The following SF3B3 variants were observed in gnomAD, a reference collection of about 807,000 sequenced individuals.
The protein encoded by SF3B3 is splicing factor 3b subunit 3.
In SF3B3, 33 loss-of-function variants were observed where a neutral mutation model predicts 139.2. The observed-to-expected ratio is 0.24, with a 90% confidence interval of 0.18 to 0.32. The LOEUF is 0.32. SF3B3 is among the 10% of genes least tolerant of loss of function. The pLI is 1.00. For synonymous variants in SF3B3, 596 were observed against 563.6 expected (o/e 1.06, Z -0.81); for missense variants, 818 against 1,509.4 (o/e 0.54, Z 7.59).
Position 70,538,450 on chromosome 16 carries a change from A to G in SF3B3, c.953A>G (p.Asp318Gly). 1 of 1,613,748 alleles carries G rather than the reference A, an allele frequency of 6.2e-7. No homozygotes were observed. Among genetic ancestry groups the G allele is most frequent in the Non-Finnish European group, 8.5e-7 (1 of 1,179,644 alleles). Residue 318 changes from aspartate to glycine, a missense_variant, in exon 7 of 26, where the codon GAT becomes GGT. Physicochemically the swap from Asp to Gly is moderately conservative, Grantham distance 94 (BLOSUM62 -1). Around this residue, in one of 14 missense-constraint regions of SF3B3, gnomAD observed 80 missense variants for 206.5 expected, o/e 0.39. Coordinates refer to ENST00000302516, the MANE Select transcript of SF3B3 (RefSeq NM_012426.5). ...GDIFKITLETDEDMVTEIRLK... is the reference protein window; with the variant it reads ...GDIFKITLETGEDMVTEIRLK... The stretch of plus-strand genomic sequence containing the variant: ...ATCTTTAAGATCACTTTGGAGACAG[A>G]TGAAGATATGGTAAGTAGACCATGG...
At chr16:70,553,608 A>G (rs2050350288) in intron 11 of SF3B3, among the ~76,000 whole-genome samples, 1 of 152,198 alleles carries the variant, frequency 6.6e-6, no homozygotes, top group Non-Finnish European at 1.5e-5. Flanking sequence ...CGCCAAACGT[A>G]CTGGATGGGG....
intron 11 of SF3B3, among the ~76,000 whole-genome samples, chr16:70,551,535 T>C (rs1294987823): frequency 1.3e-5 from 2 of 152,010 alleles, no homozygotes; most frequent in East Asian, 4.0e-4. Flanking sequence ...AAACCCTGTC[T>C]CTACTAAAAA....
intron 1 of SF3B3, among the ~76,000 whole-genome samples, chr16:70,525,905 A>G (rs2050057973): frequency 6.7e-6 from 1 of 149,440 alleles, no homozygotes; most frequent in Non-Finnish European, 1.5e-5. Flanking sequence ...AGCTTGCAGT[A>G]AGCCAAGATG....
rs772650574 is a variant in SF3B3, at chr16:70,545,983, G to T, written c.1329+1450G>T. On this transcript the variant is annotated intron_variant, in intron 10 of 25. Coordinates refer to ENST00000302516, the MANE Select transcript of SF3B3 (RefSeq NM_012426.5). Reference sequence around the variant, plus strand: ...CCATAGGTCTGGTTTTTGGTTTTTTGTTGTTGTTGTTTTTGTTTTTGTTTT... The same window carrying T: ...CCATAGGTCTGGTTTTTGGTTTTTTTTTGTTGTTGTTTTTGTTTTTGTTTT... Among the ~76,000 whole-genome samples, 17 of 152,070 alleles carry T rather than the reference G, an allele frequency of 1.1e-4. No homozygotes were observed. The East Asian group carries it at 1.5e-3, about 14-fold the overall frequency.
chr16:70,560,644 A>G (rs1296427871), intron 16 of SF3B3, 53 bp downstream of exon 16: 5 of 1,590,676 alleles, frequency 3.1e-6, no homozygotes, highest in Admixed American at 1.7e-5. Context: ...TAGTGGCACC[A>G]TCTGAGAACA....
intron 22 of SF3B3, 63 bp from the exon 23 acceptor site, chr16:70,568,980 G>T: frequency 8.3e-7 from 1 of 1,204,736 alleles, no homozygotes; most frequent in Non-Finnish European, 1.2e-6. Context: ...CAGACCTGTT[G>T]CTTGGTGACT....
At chr16:70,526,878 G>A in intron 2 of SF3B3, 152 bp downstream of exon 2, 1 of 620,100 alleles carries the variant, frequency 1.6e-6, no homozygotes. Flanking sequence ...TTAAGTTCTG[G>A]TGCATTATCT....
At chr16:70,530,445 A>G (rs1168546209) in intron 3 of SF3B3, among the ~76,000 whole-genome samples, 1 of 151,394 alleles carries the variant, frequency 6.6e-6, no homozygotes, top group Non-Finnish European at 1.5e-5. Flanking sequence ...CCAGCCTCCC[A>G]AGTAGCTGGG....
intron 13 of SF3B3, among the ~76,000 whole-genome samples, 172 bp from the exon 14 acceptor site, chr16:70,556,007 A>G (rs1273364459): frequency 2.0e-5 from 3 of 152,204 alleles, no homozygotes; most frequent in Non-Finnish European, 4.4e-5. Flanking sequence ...TTCAGTCTTG[A>G]GAACTCAGGT....
At chr16:70,568,151 C>T (rs2050494775) in intron 21 of SF3B3, 132 bp from the exon 22 acceptor site, 3 of 711,576 alleles carry the variant, frequency 4.2e-6, no homozygotes, top group Middle Eastern at 3.1e-4. Flanking sequence ...ACCTAGAATT[C>T]ATTGCTAACT....
At chr16:70,544,342 T>C in intron 9 of SF3B3, 96 bp from the exon 10 acceptor site, 1 of 726,930 alleles carries the variant, frequency 1.4e-6, no homozygotes, top group Non-Finnish European at 2.5e-6. Flanking sequence ...ATAATTGTAT[T>C]GGAAAGCAGC....
At chr16:70,542,428 G>C (rs975418343) in intron 9 of SF3B3, among the ~76,000 whole-genome samples, 5 of 152,202 alleles carry the variant, frequency 3.3e-5, no homozygotes, top group Admixed American at 2.6e-4. Context: ...AAGTGGCTCA[G>C]AATGGAGTTT....
At chr16:70,559,460 G>A (rs555529425) in intron 15 of SF3B3, among the ~76,000 whole-genome samples, 158 of 152,232 alleles carry the variant, frequency 1.0e-3, no homozygotes, top group South Asian at 2.7e-3. Context: ...GCTGAGGTGG[G>A]TGGATTGCTT....
chr16:70,542,719 T>C (rs1460059465), intron 9 of SF3B3, among the ~76,000 whole-genome samples: 7 of 148,720 alleles, frequency 4.7e-5, no homozygotes, highest in Admixed American at 3.3e-4. Flanking sequence ...TTTTTTTTTC[T>C]TTTTTTTTTC....
At chr16:70,525,645 A>C (rs8049641) in intron 1 of SF3B3, among the ~76,000 whole-genome samples, 77,821 of 151,712 alleles carry the variant, frequency 0.51, 21,153 homozygotes, top group African/African-American at 0.7. Flanking sequence ...TTCATGTTTT[A>C]CTGTGGTCCT....
At chr16:70,567,571 C>T in intron 21 of SF3B3, 35 bp downstream of exon 21, 1 of 1,600,232 alleles carries the variant, frequency 6.2e-7, no homozygotes, top group Non-Finnish European at 8.5e-7. Context: ...AGATCTAGCT[C>T]ATGTGTCAAG....
At chr16:70,541,971 A>C in intron 9 of SF3B3, 137 bp downstream of exon 9, 1 of 717,316 alleles carries the variant, frequency 1.4e-6, no homozygotes, top group African/African-American at 1.8e-5. Context: ...GAGCACAAAA[A>C]ACCATTAATA....
At chr16:70,542,677 G>C (rs2050230365) in intron 9 of SF3B3, among the ~76,000 whole-genome samples, 1 of 151,788 alleles carries the variant, frequency 6.6e-6, no homozygotes, top group African/African-American at 2.4e-5. Flanking sequence ...GATTAGTCTT[G>C]AGGGCAACAG....
At chr16:70,548,523 A>T in intron 11 of SF3B3, 81 bp downstream of exon 11, 3 of 1,193,686 alleles carry the variant, frequency 2.5e-6, no homozygotes, top group Non-Finnish European at 3.7e-6. Flanking sequence ...CGTTCATAAT[A>T]CTTCTGTATC....
Sources: allele counts gnomAD v4.1 joint callset (sites outside exome capture counted in the v4.1 genomes callset), GRCh38; gene constraint gnomAD v4.1.1; regional missense constraint gnomAD v4.1.1; transcripts MANE v1.5; gene names NCBI Gene and HGNC (gene_info 2026-07-23, HGNC 2026-07-21).